Variants in PFDN1 observed in about 807,000 individuals in gnomAD.
PFDN1 encodes prefoldin subunit 1.
Under a neutral mutation model 17.3 loss-of-function variants are expected in PFDN1, and 6 were observed. That is an observed-to-expected ratio of 0.35 (90% CI 0.19 to 0.69). The LOEUF is 0.69. PFDN1 is among the 30% of genes least tolerant of loss of function. The pLI is 0.65. For synonymous variants in PFDN1, 58 were observed against 50.1 expected (o/e 1.16, Z -0.67); for missense variants, 113 against 146.2 (o/e 0.77, Z 1.17).
intron 3 of PFDN1, among the ~76,000 whole-genome samples, chr5:140,249,323 AG>A (rs1764878204): frequency 6.6e-6 from 1 of 152,248 alleles, no homozygotes. Context: ...AATTCGTGGT[AG>A]CTTCAAATAC....
chr5:140,290,806 G>C (rs1342354709), intron 2 of PFDN1, among the ~76,000 whole-genome samples: 1 of 152,084 alleles, frequency 6.6e-6, no homozygotes, highest in African/African-American at 2.4e-5. Flanking sequence ...TTCTATATAA[G>C]TTATAACTCA....
chr5:140,292,188 C>A (rs368884523), intron 2 of PFDN1, among the ~76,000 whole-genome samples: 2 of 152,028 alleles, frequency 1.3e-5, no homozygotes, highest in Non-Finnish European at 2.9e-5. Flanking sequence ...AAACATTCCA[C>A]GTATAGGCAG....
chr5:140,247,973 A>G (rs1764856121), intron 3 of PFDN1, among the ~76,000 whole-genome samples: 1 of 152,220 alleles, frequency 6.6e-6, no homozygotes. Flanking sequence ...CTGCAAATGC[A>G]TACTGCTGCT....
At chr5:140,273,965 TG>T in intron 3 of PFDN1, 1 of 746,510 alleles carries the variant, frequency 1.3e-6, no homozygotes, top group Non-Finnish European at 1.6e-6. Flanking sequence ...AAGGCAATGG[TG>T]GCAAAAATGT....
At chr5:140,259,380 A>G (rs571703302) in intron 3 of PFDN1, among the ~76,000 whole-genome samples, 47 of 152,362 alleles carry the variant, frequency 3.1e-4, no homozygotes, top group African/African-American at 9.9e-4. Flanking sequence ...CAAGGGTTGT[A>G]GAAGCATCAA....
chr5:140,257,977 GA>G (rs1277457183), intron 3 of PFDN1, among the ~76,000 whole-genome samples: 4 of 152,176 alleles, frequency 2.6e-5, no homozygotes, highest in Non-Finnish European at 5.9e-5. Flanking sequence ...AGAGTGGGGA[GA>G]GAGTAATTCC....
At chr5:140,261,703 A>C (rs555255261) in intron 3 of PFDN1, among the ~76,000 whole-genome samples, 1 of 152,336 alleles carries the variant, frequency 6.6e-6, no homozygotes, top group East Asian at 1.9e-4. Context: ...CTGTCTTTTC[A>C]CTAAGGAAGA....
chr5:140,277,869 T>G (rs978684648), intron 3 of PFDN1, among the ~76,000 whole-genome samples: 4 of 152,178 alleles, frequency 2.6e-5, no homozygotes, highest in African/African-American at 9.6e-5. Flanking sequence ...GATGACTTCT[T>G]AACAGCAACA....
chr5:140,300,966 A>G (rs1765735612), intron 1 of PFDN1, among the ~76,000 whole-genome samples: 1 of 152,240 alleles, frequency 6.6e-6, no homozygotes, highest in African/African-American at 2.4e-5. Flanking sequence ...ACTTTCTCAC[A>G]TTAGTTTGAA....
At chr5:140,287,398 T>C (rs1765514257) in intron 2 of PFDN1, among the ~76,000 whole-genome samples, 1 of 152,244 alleles carries the variant, frequency 6.6e-6, no homozygotes, top group African/African-American at 2.4e-5. Context: ...ATTAGTAGCA[T>C]ATATACACAT....
chr5:140,285,612 T>C (rs576753245), intron 2 of PFDN1, among the ~76,000 whole-genome samples: 1 of 151,828 alleles, frequency 6.6e-6, no homozygotes, highest in East Asian at 1.9e-4. Flanking sequence ...TAATGAAGAG[T>C]AGATACCCTG....
In PFDN1 at chr5:140,283,844, G is replaced by A. The variant is rs1224824289; in HGVS notation, c.201-2311C>T. Among the ~76,000 whole-genome samples the A allele has an allele frequency of 2.6e-5, 4 of 152,322 alleles. No homozygotes were observed. The East Asian group carries it at 7.7e-4, about 29-fold the overall frequency. ...AACTATTCTAAAACAAGGTGCAAGA[G>A]TCACCAAATTATGTCATGACATGTG... is the stretch of plus-strand genomic sequence containing the variant. On this transcript the variant is annotated intron_variant, in intron 2 of 3. Coordinates refer to ENST00000261813, the MANE Select transcript of PFDN1 (RefSeq NM_002622.5).
At chr5:140,258,872 C>T (rs1043935176) in intron 3 of PFDN1, among the ~76,000 whole-genome samples, 3 of 152,150 alleles carry the variant, frequency 2.0e-5, no homozygotes, top group Admixed American at 2.0e-4. Context: ...CTCTGGAGTT[C>T]ATGGAAGAAA....
rs548663962 is a variant in PFDN1, at chr5:140,303,088, A to T, written c.-15T>A. 2 of 1,609,606 alleles carry T rather than the reference A, an allele frequency of 1.2e-6. No individual in the cohort carries two copies. The highest frequency in any genetic ancestry group is 1.3e-5 in the African/African-American group (1 of 74,960). ...GGGGCGGCCATCTTGGTGCACTGTAAGCGCCTGCGCAGTGGGAGTTGGACT... is the reference window on the plus strand; with the variant it reads ...GGGGCGGCCATCTTGGTGCACTGTATGCGCCTGCGCAGTGGGAGTTGGACT... On this transcript the variant is annotated 5_prime_UTR_variant, in exon 1 of 4. Transcript: ENST00000261813.
chr5:140,281,413 C>T, intron 3 of PFDN1, 36 bp downstream of exon 3: 1 of 890,820 alleles, frequency 1.1e-6, no homozygotes, highest in East Asian at 2.4e-5. Flanking sequence ...ACTACTTTCT[C>T]CCAAAAGTTA....
Position 140,300,433 on chromosome 5 carries a change from A to G in PFDN1, c.183T>C (p.Tyr61=). 6.2e-7 allele frequency: 1 copy of G among 1,606,732 alleles called. No homozygotes were observed. The highest frequency in any genetic ancestry group is 8.5e-7 in the Non-Finnish European group (1 of 1,174,546). ...IMTLVDETNM[Y]EGVGRMFILQ... ...TTACTTACATTCTTCCTACACCTTC[A>G]TACATGTTAGTCTCATCTACCAAAG... Residue 61 remains tyrosine (Y), a synonymous_variant, in exon 2 of 4, where the codon TAT becomes TAC. Transcript: ENST00000261813.
chr5:140,278,087 A>G (rs1765326815), intron 3 of PFDN1, among the ~76,000 whole-genome samples: 1 of 151,632 alleles, frequency 6.6e-6, no homozygotes, highest in African/African-American at 2.4e-5. Flanking sequence ...TGGTGGCTGT[A>G]ATCCCAGCTA....
chr5:140,265,713 C>T (rs891004722), intron 3 of PFDN1: 1 of 152,144 alleles, frequency 6.6e-6, no homozygotes, highest in Non-Finnish European at 1.5e-5. Context: ...GCAGCAGGAC[C>T]TGGAATGTCT....
Position 140,245,747 on chromosome 5 carries a change from A to G in PFDN1, c.*227T>C, listed in dbSNP as rs927123496. On this transcript the variant is annotated 3_prime_UTR_variant, in exon 4 of 4. Coordinates refer to ENST00000261813, the MANE Select transcript of PFDN1 (RefSeq NM_002622.5). ...TCCCTCTCCTGGGAGTTCATCACAC[A>G]TCCCGAGAGGGAAGAGTGTCCTGGG... 1.1e-4 allele frequency: 69 copies of G among 610,224 alleles called. No individual in the cohort carries two copies. In the African/African-American group the frequency reaches 1.2e-3, roughly 10 times the overall value. 37.8% of individuals were successfully genotyped at this position (610,224 alleles called of 1,614,324 possible). A position where few individuals can be genotyped will look rare whatever the true frequency, so the allele number is the denominator to read the frequency against.
Sources: gnomAD v4.1 joint callset for allele counts (sites outside exome capture counted in the v4.1 genomes callset) on GRCh38, gnomAD v4.1.1 for gene constraint, MANE v1.5 for transcripts, NCBI Gene and HGNC (gene_info 2026-07-23, HGNC 2026-07-21) for gene names.